Variants in NEO1 observed in about 807,000 individuals in gnomAD.
NEO1 encodes neogenin.
In NEO1, 63 loss-of-function variants were observed where a neutral mutation model predicts 159.7. The ratio of observed to expected loss-of-function variants is 0.39; its 90% confidence interval spans 0.32 to 0.49. The LOEUF is 0.49. NEO1 is among the 20% of genes least tolerant of loss of function. NEO1 has a pLI of 0.85. For missense variants in NEO1, 1,615 were observed against 1,831.0 expected (o/e 0.88, Z 2.15); for synonymous variants, 633 against 662.0 (o/e 0.96, Z 0.67).
intron 16 of NEO1, among the ~76,000 whole-genome samples, chr15:73,269,151 T>A (rs1413966495): frequency 6.6e-6 from 1 of 152,172 alleles, no homozygotes; most frequent in Non-Finnish European, 1.5e-5. Flanking sequence ...TTTGTGGGTA[T>A]CAGATACCGT....
chr15:73,082,209 C>A (rs1188357798), intron 1 of NEO1, among the ~76,000 whole-genome samples: 2 of 152,110 alleles, frequency 1.3e-5, no homozygotes, highest in Non-Finnish European at 2.9e-5. Context: ...TGGATTCTTG[C>A]CTTTGTGGCC....
Position 73,225,101 on chromosome 15 carries a change from A to G in NEO1, c.1292-11246A>G, listed in dbSNP as rs149456397. Among the ~76,000 whole-genome samples the G allele has an allele frequency of 9.6e-3, 1,465 of 152,192 alleles. 26 individuals carry two copies. Among genetic ancestry groups the G allele is most frequent in the African/African-American group, 0.034 (1,423 of 41,514 alleles). On this transcript the variant is annotated intron_variant, in intron 7 of 28. Transcript: ENST00000261908. ...CTGGGTCTAGCCACCCAGCAAGTCT[A>G]TCCAGCTCCAGGCTGGTACTGGGGG...
chr15:73,100,188 C>T lies in NEO1; in HGVS notation c.131-16352C>T, dbSNP rs546446619. Among the ~76,000 whole-genome samples the T allele has an allele frequency of 1.6e-4, 24 of 152,214 alleles. No homozygotes were observed. In the East Asian group the frequency reaches 1.7e-3, roughly 11 times the overall value. On this transcript the variant is annotated intron_variant, in intron 1 of 28. Transcript: ENST00000261908. ...CTATCGCTTTGTCATCACTCAGGAG[C>T]GCTAAAATATTAAAATAATACCCCA...
At chr15:73,299,158 C>G (rs1167381526) in intron 27 of NEO1, among the ~76,000 whole-genome samples, 2 of 152,130 alleles carry the variant, frequency 1.3e-5, no homozygotes, top group Non-Finnish European at 2.9e-5. Flanking sequence ...TATTCATTTG[C>G]TTTAGAATAA....
rs918068962 is a variant in NEO1, at chr15:73,237,003, C to G, written c.1451+497C>G. Among the ~76,000 whole-genome samples the G allele has an allele frequency of 2.6e-5, 4 of 152,198 alleles. No individual in the cohort carries two copies. In the South Asian group the frequency reaches 8.3e-4, roughly 31 times the overall value. Reference sequence around the variant, plus strand: ...GCTCACATTGCTCATAGGGGAAGATCTATAATGTCCAGGCTGCTTTGTGCC... The same window carrying G: ...GCTCACATTGCTCATAGGGGAAGATGTATAATGTCCAGGCTGCTTTGTGCC... On this transcript the variant is annotated intron_variant, in intron 8 of 28. Coordinates refer to ENST00000261908, the MANE Select transcript of NEO1 (RefSeq NM_002499.4).
chr15:73,232,625 A>AG (rs965292188), intron 7 of NEO1, among the ~76,000 whole-genome samples: 1 of 152,154 alleles, frequency 6.6e-6, no homozygotes, highest in African/African-American at 2.4e-5. Context: ...CATGGCCTTC[A>AG]GTCAACCTAG....
chr15:73,272,635 T>C (rs1459566789), intron 19 of NEO1, 73 bp downstream of exon 19: 7 of 1,093,342 alleles, frequency 6.4e-6, no homozygotes, highest in African/African-American at 3.1e-5. Context: ...GAGAGTACCA[T>C]GTTGCTGGGA....
intron 7 of NEO1, among the ~76,000 whole-genome samples, chr15:73,226,248 G>C (rs1397079949): frequency 2.0e-5 from 3 of 152,176 alleles, no homozygotes; most frequent in African/African-American, 4.8e-5. Flanking sequence ...TCAATCTGGA[G>C]CTTAAATTCA....
intron 14 of NEO1, chr15:73,259,112 T>C (rs750928621): frequency 5.5e-5 from 20 of 362,500 alleles, no homozygotes; most frequent in Non-Finnish European, 9.6e-5. Flanking sequence ...GTATGTGCTA[T>C]AAGTTGGATT....
At chr15:73,078,824 T>G (rs1038311129) in intron 1 of NEO1, among the ~76,000 whole-genome samples, 3 of 152,228 alleles carry the variant, frequency 2.0e-5, no homozygotes, top group Non-Finnish European at 2.9e-5. Flanking sequence ...TTCTCATGTG[T>G]AAAGCACTGT....
At chr15:73,287,089 CT>C (rs2041977172) in intron 23 of NEO1, among the ~76,000 whole-genome samples, 2 of 152,202 alleles carry the variant, frequency 1.3e-5, no homozygotes, top group South Asian at 4.1e-4. Context: ...TCTTTATGAT[CT>C]GGTCCCTGAC....
At chr15:73,302,543 C>T in intron 28 of NEO1, 70 bp from the exon 29 acceptor site, 1 of 1,437,098 alleles carries the variant, frequency 7.0e-7, no homozygotes, top group Non-Finnish European at 9.6e-7. Context: ...AGGCTTTGGC[C>T]TCTCTCTGGG....
At chr15:73,213,268 G>A (rs66473967) in intron 7 of NEO1, among the ~76,000 whole-genome samples, 12,050 of 152,030 alleles carry the variant, frequency 0.079, 566 homozygotes, top group Non-Finnish European at 0.097. Context: ...TTTCTCTGTA[G>A]CATTTATTTA....
At chr15:73,060,081 G>C (rs935764566) in intron 1 of NEO1, among the ~76,000 whole-genome samples, 1 of 151,890 alleles carries the variant, frequency 6.6e-6, no homozygotes, top group Non-Finnish European at 1.5e-5. Context: ...ATGAGGTCTA[G>C]TTAAGATAAT....
chr15:73,154,732 T>C (rs568393674), intron 5 of NEO1, among the ~76,000 whole-genome samples: 63 of 152,362 alleles, frequency 4.1e-4, no homozygotes, highest in Non-Finnish European at 8.5e-4. Flanking sequence ...TTTCAGTCTA[T>C]GTGTCTTTAC....
At chr15:73,177,266 A>G (rs1044701631) in intron 6 of NEO1, among the ~76,000 whole-genome samples, 1 of 152,176 alleles carries the variant, frequency 6.6e-6, no homozygotes, top group Non-Finnish European at 1.5e-5. Context: ...AGTAATAAAG[A>G]TTAATGACAT....
At chr15:73,272,257 G>A (rs1319568597) in intron 18 of NEO1, among the ~76,000 whole-genome samples, 198 bp from the exon 19 acceptor site, 3 of 152,058 alleles carry the variant, frequency 2.0e-5, no homozygotes, top group Non-Finnish European at 4.4e-5. Flanking sequence ...TTCATAGTAT[G>A]GTATTTCCTC....
chr15:73,063,625 TTTTGTTTGTTTGTTTG>T (rs142986643), intron 1 of NEO1, among the ~76,000 whole-genome samples: 1 of 150,750 alleles, frequency 6.6e-6, no homozygotes, highest in African/African-American at 2.4e-5. Context: ...GCGCAGCCTT[TTTTGTTTGTTTGTTTG>T]TTTGTTTGTT....
chr15:73,178,858 G>A (rs1043028546), intron 7 of NEO1, among the ~76,000 whole-genome samples: 4 of 152,040 alleles, frequency 2.6e-5, no homozygotes, highest in Non-Finnish European at 5.9e-5. Flanking sequence ...ACATATAAGT[G>A]ACAATTCTGG....
Sources: allele counts gnomAD v4.1 joint callset (sites outside exome capture counted in the v4.1 genomes callset), GRCh38; gene constraint gnomAD v4.1.1; transcripts MANE v1.5; gene names NCBI Gene and HGNC (gene_info 2026-07-23, HGNC 2026-07-21).